ARHGAP26: variants seen among roughly 807,000 people sequenced by gnomAD.
The protein encoded by ARHGAP26 is rho GTPase-activating protein 26.
ARHGAP26 carries 38 observed loss-of-function variants against 104.8 expected under a neutral mutation model. That is an observed-to-expected ratio of 0.36 (90% CI 0.28 to 0.48). The LOEUF is 0.48. Among genes scored for constraint, ARHGAP26 ranks in the 20% least tolerant of loss-of-function variants. The pLI is 0.99. For synonymous variants in ARHGAP26, 341 were observed against 340.0 expected (o/e 1.00, Z -0.03); for missense variants, 704 against 947.9 (o/e 0.74, Z 3.38).
chr5:143,031,943 G>A (rs1198468820), intron 12 of ARHGAP26, among the ~76,000 whole-genome samples: 2 of 152,002 alleles, frequency 1.3e-5, no homozygotes, highest in African/African-American at 4.8e-5. Context: ...AGCCTCCCGG[G>A]GTTCATATCC....
chr5:142,967,231 C>T (rs185793073), intron 11 of ARHGAP26, among the ~76,000 whole-genome samples: 1 of 152,246 alleles, frequency 6.6e-6, no homozygotes, highest in Admixed American at 6.5e-5. Flanking sequence ...TGTATAAAAA[C>T]AAGTGCCAGT....
At position 143,111,248 on chromosome 5, in the gene ARHGAP26, TAGAAA is replaced by T. The variant is rs541446960; in HGVS notation, c.1539-9735_1539-9731del. On this transcript the variant is annotated intron_variant, in intron 17 of 22. Coordinates refer to ENST00000645722, the MANE Select transcript of ARHGAP26 (RefSeq NM_001135608.3). ...ATGATCTCCTTAAGGTTAGGCCATG[TAGAAA>T]AGAAGAGAAGCAAATGAGATAAAAT... Among the ~76,000 whole-genome samples, 62 of 152,370 alleles carry T rather than the reference TAGAAA, an allele frequency of 4.1e-4. 1 individual carries two copies. The highest frequency in any genetic ancestry group is 1.4e-3 in the African/African-American group (58 of 41,586).
At chr5:143,089,839 C>T (rs1791139845) in intron 17 of ARHGAP26, among the ~76,000 whole-genome samples, 2 of 152,150 alleles carry the variant, frequency 1.3e-5, no homozygotes, top group Admixed American at 1.3e-4. Flanking sequence ...GTTGAAAGAC[C>T]CATAAGGGCC....
At chr5:143,212,194 A>T (rs914028795) in intron 21 of ARHGAP26, among the ~76,000 whole-genome samples, 1 of 152,030 alleles carries the variant, frequency 6.6e-6, no homozygotes, top group African/African-American at 2.4e-5. Context: ...CTGCCTCAAA[A>T]CCTGGTCTCT....
chr5:142,771,439 G>A (rs1755177374), intron 1 of ARHGAP26: 1 of 1,229,200 alleles, frequency 8.1e-7, no homozygotes. Context: ...CGGGTTCCCT[G>A]GGTGGAATGC....
At chr5:143,116,409 T>A (rs1032482418) in intron 17 of ARHGAP26, among the ~76,000 whole-genome samples, 3 of 152,136 alleles carry the variant, frequency 2.0e-5, no homozygotes, top group Non-Finnish European at 4.4e-5. Flanking sequence ...TTTGACATTT[T>A]TCAACATAAC....
rs543181108 is a variant in ARHGAP26 at position 143,226,943 on chromosome 5, T to C, written c.*4497T>C. On this transcript the variant is annotated 3_prime_UTR_variant, in exon 23 of 23. Coordinates refer to ENST00000645722, the MANE Select transcript of ARHGAP26 (RefSeq NM_001135608.3). ...CTCAAAGGGAAGGCCTTCTATCCCC[T>C]GAGTTTCTATCAGCTGAAAATGGCA... is the stretch of plus-strand genomic sequence containing the variant. The C allele has an allele frequency of 3.1e-5, 7 of 227,166 alleles. No homozygotes were observed. In the South Asian group the frequency reaches 1.1e-3, roughly 36 times the overall value. The allele number at this position is 227,166 out of a possible 1,614,324, so 14.1% of individuals were successfully genotyped here.
At chr5:143,186,314 A>G (rs1410813499) in intron 20 of ARHGAP26, among the ~76,000 whole-genome samples, 1 of 152,194 alleles carries the variant, frequency 6.6e-6, no homozygotes, top group Non-Finnish European at 1.5e-5. Context: ...CCAAGGAGGA[A>G]GTAATGCCCT....
At chr5:142,981,409 C>T (rs1773921213) in intron 11 of ARHGAP26, among the ~76,000 whole-genome samples, 1 of 152,186 alleles carries the variant, frequency 6.6e-6, no homozygotes, top group Non-Finnish European at 1.5e-5. Flanking sequence ...CACACAAACA[C>T]AAAATGTAGT....
At chr5:142,936,108 A>AACACACACACACACACACAC (rs149919795) in intron 11 of ARHGAP26, among the ~76,000 whole-genome samples, 23 of 139,834 alleles carry the variant, frequency 1.6e-4, no homozygotes, top group African/African-American at 5.2e-4. Flanking sequence ...AATCCCAAGG[A>AACACACACACACACACACAC]ACACACACAC....
intron 11 of ARHGAP26, among the ~76,000 whole-genome samples, chr5:142,967,353 T>G (rs551885327): frequency 3.3e-5 from 5 of 152,322 alleles, no homozygotes; most frequent in African/African-American, 1.2e-4. Flanking sequence ...TAACTTCTGA[T>G]GGTGTGGTGA....
intron 17 of ARHGAP26, among the ~76,000 whole-genome samples, chr5:143,092,406 C>G (rs1398159653): frequency 1.3e-5 from 2 of 152,086 alleles, no homozygotes; most frequent in East Asian, 3.9e-4. Context: ...CCTCGTGATC[C>G]GCCCACCTCG....
intron 11 of ARHGAP26, among the ~76,000 whole-genome samples, chr5:143,007,913 CAGTT>C (rs1372261883): frequency 6.6e-6 from 1 of 152,192 alleles, no homozygotes; most frequent in Non-Finnish European, 1.5e-5. Context: ...TAATTAGTTT[CAGTT>C]GGTTATATTA....
At chr5:143,214,942 A>G (rs1810105072) in intron 22 of ARHGAP26, among the ~76,000 whole-genome samples, 1 of 152,278 alleles carries the variant, frequency 6.6e-6, no homozygotes, top group South Asian at 2.1e-4. Context: ...GGCCCTTTAT[A>G]AATCAAAATG....
At chr5:142,928,581 G>A (rs1482103590) in intron 10 of ARHGAP26, among the ~76,000 whole-genome samples, 1 of 152,160 alleles carries the variant, frequency 6.6e-6, no homozygotes. Flanking sequence ...ATGGCATTGT[G>A]CACAAGAGTT....
At chr5:143,018,017 T>A (rs1341211507) in intron 12 of ARHGAP26, among the ~76,000 whole-genome samples, 1 of 152,232 alleles carries the variant, frequency 6.6e-6, no homozygotes, top group Non-Finnish European at 1.5e-5. Context: ...AGTATTCAGC[T>A]CTCTAATTTT....
At chr5:142,908,367 A>G (rs1598188689) in intron 9 of ARHGAP26, among the ~76,000 whole-genome samples, 1 of 152,324 alleles carries the variant, frequency 6.6e-6, no homozygotes, top group South Asian at 2.1e-4. Context: ...TAGAACAAGG[A>G]GGGTCTGAAG....
At chr5:143,153,368 T>G (rs1800070265) in intron 20 of ARHGAP26, among the ~76,000 whole-genome samples, 1 of 152,106 alleles carries the variant, frequency 6.6e-6, no homozygotes, top group South Asian at 2.1e-4. Context: ...GTGGAAGAAA[T>G]GGGGCTGATC....
At chr5:142,846,410 C>T (rs74397029) in intron 1 of ARHGAP26, among the ~76,000 whole-genome samples, 5 of 152,170 alleles carry the variant, frequency 3.3e-5, no homozygotes, top group African/African-American at 4.8e-5. Flanking sequence ...AGGGGAATGT[C>T]TTTTGGTGTG....
Sources: allele counts gnomAD v4.1 joint callset (sites outside exome capture counted in the v4.1 genomes callset), GRCh38; gene constraint gnomAD v4.1.1; transcripts MANE v1.5; gene names NCBI Gene and HGNC (gene_info 2026-07-23, HGNC 2026-07-21).